The following NUP98 variants were observed in gnomAD, a reference collection of about 807,000 sequenced individuals.
The protein encoded by NUP98 is nucleoporin 98 and 96 precursor.
In NUP98, 26 loss-of-function variants were observed where a neutral mutation model predicts 191.9. The observed-to-expected ratio is 0.14, with a 90% CI of 0.10 to 0.19. The LOEUF (loss-of-function observed/expected upper bound fraction) is 0.19, where lower values mean the gene tolerates loss of function less well. Ranked by LOEUF, NUP98 falls within the 10% of genes least tolerant of loss-of-function variation. The pLI, the probability that NUP98 is intolerant of heterozygous loss-of-function variation, is 1.00. For missense variants in NUP98, 1,941 were observed against 2,178.8 expected (o/e 0.89, Z 2.17); for synonymous variants, 808 against 778.4 (o/e 1.04, Z -0.63).
intron 1 of NUP98, among the ~76,000 whole-genome samples, chr11:3,796,868 T>C (rs1003873283): frequency 6.6e-6 from 1 of 152,136 alleles, no homozygotes; most frequent in Non-Finnish European, 1.5e-5. Flanking sequence ...ACTGAACACG[T>C]GGGAAAATAG....
chr11:3,786,470 C>A (rs1025589272), intron 1 of NUP98, among the ~76,000 whole-genome samples: 6 of 151,930 alleles, frequency 3.9e-5, no homozygotes, highest in African/African-American at 1.4e-4. Context: ...GCAGGTTTTT[C>A]TTTTTGATAT....
chr11:3,746,773 G>C (rs866781078), intron 11 of NUP98, among the ~76,000 whole-genome samples: 1 of 151,640 alleles, frequency 6.6e-6, no homozygotes, highest in Non-Finnish European at 1.5e-5. Flanking sequence ...TTAGCTGGTC[G>C]TGGTGGCACA....
intron 5 of NUP98, among the ~76,000 whole-genome samples, chr11:3,774,713 A>C (rs1231748198): frequency 2.0e-5 from 3 of 152,180 alleles, no homozygotes; most frequent in Admixed American, 1.3e-4. Flanking sequence ...TCTCCAAAAA[A>C]AAAAAAGAAA....
intron 10 of NUP98, among the ~76,000 whole-genome samples, chr11:3,753,993 A>C (rs1002686376): frequency 1.3e-5 from 2 of 151,938 alleles, no homozygotes; most frequent in Non-Finnish European, 2.9e-5. Context: ...ATATCAATTC[A>C]ATATAGGATA....
intron 12 of NUP98, 56 bp from the exon 13 acceptor site, chr11:3,735,380 A>AT: frequency 5.1e-6 from 5 of 980,128 alleles, no homozygotes; most frequent in Non-Finnish European, 6.7e-6. Flanking sequence ...ATGCAAGGAT[A>AT]CAATGCATTT....
intron 1 of NUP98, among the ~76,000 whole-genome samples, chr11:3,794,691 T>A (rs1419476814): frequency 6.6e-6 from 1 of 152,310 alleles, no homozygotes; most frequent in South Asian, 2.1e-4. Flanking sequence ...ATCACAGCAC[T>A]GCAGTCTCAA....
chr11:3,679,863 G>T, intron 30 of NUP98, 155 bp from the exon 31 acceptor site: 1 of 707,658 alleles, frequency 1.4e-6, no homozygotes, highest in Non-Finnish European at 2.3e-6. Context: ...GATACTGTGG[G>T]TTTCATTTCA....
intron 20 of NUP98, among the ~76,000 whole-genome samples, chr11:3,708,793 G>A (rs928123090): frequency 2.0e-5 from 3 of 151,612 alleles, no homozygotes; most frequent in Non-Finnish European, 2.9e-5. Context: ...CTGGGAGGTC[G>A]ATGGAAAAGA....
intron 11 of NUP98, among the ~76,000 whole-genome samples, chr11:3,748,425 G>A (rs1413004024): frequency 6.6e-6 from 1 of 151,964 alleles, no homozygotes; most frequent in Non-Finnish European, 1.5e-5. Flanking sequence ...TTAGGTTGAG[G>A]CACAAGAATT....
intron 10 of NUP98, chr11:3,760,320 A>C: frequency 5.2e-6 from 3 of 580,702 alleles, no homozygotes; most frequent in Non-Finnish European, 6.0e-6. Flanking sequence ...ATGCCTACTA[A>C]TTATCTCAAG....
intron 4 of NUP98, among the ~76,000 whole-genome samples, chr11:3,776,785 C>T (rs1276170642): frequency 3.6e-5 from 1 of 27,630 alleles, no homozygotes; most frequent in Admixed American, 4.5e-4. Context: ...AGCCACAGTG[C>T]CCGGCCCAAA....
At chr11:3,764,269 T>C (rs1446737140) in intron 8 of NUP98, among the ~76,000 whole-genome samples, 1 of 152,260 alleles carries the variant, frequency 6.6e-6, no homozygotes, top group Non-Finnish European at 1.5e-5. Context: ...TGTTGTAGCA[T>C]ATATTAGTAC....
In NUP98 at chr11:3,676,524, G is replaced by C. The variant is rs750352545; in HGVS notation, c.5170C>G (p.Arg1724Gly). ...AGAGGCTTACCTGACTGAGCCAGGC[G>C]ATCTTTAGCACTGTAACACTGAATC... ...EQIQCYSAKD[R>G]LAQSDMAKRV... The change falls in exon 32 of 33, where the codon CGC becomes GGC. Residue 1724 changes from arginine (R) to glycine (G), a missense_variant. By Grantham distance (125) the Arg-to-Gly change is moderately radical. Coordinates refer to ENST00000324932, the MANE Select transcript of NUP98 (RefSeq NM_016320.5). 7.4e-6 allele frequency: 12 copies of C among 1,613,950 alleles called. No homozygotes were observed. Among genetic ancestry groups the C allele is most frequent in the South Asian group, 2.2e-5 (2 of 91,078 alleles).
chr11:3,698,436 G>C (rs561049228), intron 25 of NUP98, among the ~76,000 whole-genome samples: 4 of 151,950 alleles, frequency 2.6e-5, no homozygotes, highest in Non-Finnish European at 4.4e-5. Context: ...AGAATTAGAA[G>C]ACATAGTTCG....
At chr11:3,682,100 C>T (rs981711677) in intron 30 of NUP98, among the ~76,000 whole-genome samples, 9 of 152,204 alleles carry the variant, frequency 5.9e-5, no homozygotes, top group African/African-American at 1.4e-4. Flanking sequence ...TAGCTTCAAA[C>T]GTTTCTTCTG....
Position 3,757,096 on chromosome 11 carries a change from A to AT in NUP98, c.1174+3442_1174+3443insA, listed in dbSNP as rs1054166987. On this transcript the variant is annotated intron_variant, in intron 10 of 32. Transcript: ENST00000324932. The stretch of plus-strand genomic sequence containing the variant: ...GAGCGAGACTCCATCTCAAAAAAAA[A>AT]ATATATATATATATCTATATATCTA... Among the ~76,000 whole-genome samples the AT allele has an allele frequency of 1.7e-3, 253 of 147,904 alleles. 1 individual carries two copies. Among genetic ancestry groups the AT allele is most frequent in the East Asian group, 5.1e-3 (26 of 5,064 alleles).
chr11:3,716,926 C>T (rs1055700836), intron 18 of NUP98, among the ~76,000 whole-genome samples: 19 of 152,152 alleles, frequency 1.2e-4, no homozygotes, highest in African/African-American at 4.6e-4. Flanking sequence ...TCTATTTCTA[C>T]AAATCATGCC....
chr11:3,774,235 T>G (rs972103073), intron 5 of NUP98, among the ~76,000 whole-genome samples: 1 of 146,106 alleles, frequency 6.8e-6, no homozygotes, highest in African/African-American at 2.5e-5. Context: ...CCGTCTCTAC[T>G]AAAAAATAAA....
intron 23 of NUP98, among the ~76,000 whole-genome samples, chr11:3,701,923 G>A (rs779006525): frequency 1.3e-4 from 19 of 151,694 alleles, no homozygotes; most frequent in Admixed American, 3.3e-4. Context: ...TCCTGACCTC[G>A]TGATCCGCCC....
Sources: allele counts gnomAD v4.1 joint callset (sites outside exome capture counted in the v4.1 genomes callset), GRCh38; gene constraint gnomAD v4.1.1; transcripts MANE v1.5; gene names NCBI Gene and HGNC (gene_info 2026-07-23, HGNC 2026-07-21).